The following PNPLA1 variants were observed in gnomAD, a reference collection of about 807,000 sequenced individuals.
The protein encoded by PNPLA1 is omega-hydroxyceramide transacylase.
PNPLA1 carries 36 observed loss-of-function variants against 51.7 expected under a neutral mutation model. That is an observed-to-expected ratio of 0.70 (90% CI 0.53 to 0.92). The LOEUF is 0.92. Ranked by LOEUF, PNPLA1 falls within the 40% of genes least tolerant of loss-of-function variation. The probability of loss-of-function intolerance (pLI) is 0.00; values close to 1 mark genes in which losing one functional copy is unlikely to be tolerated. For synonymous variants in PNPLA1, 293 were observed against 280.1 expected (o/e 1.05, Z -0.46); for missense variants, 658 against 682.5 (o/e 0.96, Z 0.40).
chr6:36,302,369 G>T lies in PNPLA1; in HGVS notation c.1284G>T (p.Gly428=). The T allele has an allele frequency of 6.2e-7, 1 of 1,606,386 alleles. No homozygotes were observed. The highest frequency in any genetic ancestry group is 1.7e-5 in the Admixed American group (1 of 59,624). ...CCACTTCACCCAGGCCATCCCTGGG[G>T]CCTTCAACTGTGGGGGCACCTCAAA... ...QAPTSPRPSL[G]PSTVGAPQTL... is the part of the protein sequence containing the mutation. Residue 428 remains glycine, a synonymous_variant, in exon 6 of 9, where the codon GGG becomes GGT. Coordinates refer to ENST00000636260, the MANE Select transcript of PNPLA1 (RefSeq NM_001374623.1).
chr6:36,301,921 G>A lies in PNPLA1; in HGVS notation c.836G>A (p.Cys279Tyr), dbSNP rs1771062472. ...RVIFPRVEVY[C>Y]QIELALGNEC... The stretch of plus-strand genomic sequence containing the variant: ...ATTTTCCCCCGGGTGGAAGTGTACT[G>A]CCAGATAGAACTCGCCCTTGGCAAT... Residue 279 changes from cysteine to tyrosine, a missense_variant, in exon 6 of 9, where the codon TGC becomes TAC. By Grantham distance (194) the Cys-to-Tyr change is radical. Transcript: ENST00000636260. The A allele has an allele frequency of 6.2e-7, 1 of 1,614,058 alleles. No homozygotes were observed.
intron 1 of PNPLA1, among the ~76,000 whole-genome samples, chr6:36,249,808 A>G (rs1211178121): frequency 6.6e-6 from 1 of 152,196 alleles, no homozygotes. Context: ...TCTGAGATCC[A>G]ATTTCTTCAT....
At chr6:36,250,407 G>A (rs1373980018) in intron 1 of PNPLA1, among the ~76,000 whole-genome samples, 2 of 152,156 alleles carry the variant, frequency 1.3e-5, no homozygotes, top group African/African-American at 4.8e-5. Flanking sequence ...AAGAGCCTAG[G>A]TGCTGGGTGA....
At chr6:36,245,054 C>T (rs1291841524) in intron 1 of PNPLA1, among the ~76,000 whole-genome samples, 4 of 152,174 alleles carry the variant, frequency 2.6e-5, no homozygotes, top group Non-Finnish European at 4.4e-5. Context: ...AAGCGGGGCC[C>T]GCAGGTCATA....
intron 6 of PNPLA1, among the ~76,000 whole-genome samples, chr6:36,304,238 C>G (rs774848849): frequency 6.6e-6 from 1 of 152,106 alleles, no homozygotes; most frequent in African/African-American, 2.4e-5. Context: ...TTATGGTAAA[C>G]GTCACAGATC....
chr6:36,297,249 G>A (rs1582089258), intron 5 of PNPLA1, among the ~76,000 whole-genome samples: 1 of 152,136 alleles, frequency 6.6e-6, no homozygotes, highest in Non-Finnish European at 1.5e-5. Context: ...TTCCTCTTCC[G>A]ATTTGCCAGT....
rs889658295 is a variant in PNPLA1, at chr6:36,313,904, T to C, written c.*2018T>C. ...TCTGTATTTAGAGCCCAGATGCTCT[T>C]AATGTCAATTATGTTAAACTATTAA... is the stretch of plus-strand genomic sequence containing the variant. On this transcript the variant is annotated 3_prime_UTR_variant, in exon 9 of 9. Coordinates refer to ENST00000636260, the MANE Select transcript of PNPLA1 (RefSeq NM_001374623.1). 6.6e-6 allele frequency among the ~76,000 whole-genome samples: 1 copy of C among 152,268 alleles called. No homozygotes were observed. The highest frequency in any genetic ancestry group is 2.4e-5 in the African/African-American group (1 of 41,472).
intron 1 of PNPLA1, among the ~76,000 whole-genome samples, chr6:36,289,333 C>G (rs577612265): frequency 2.6e-5 from 4 of 152,152 alleles, no homozygotes; most frequent in Non-Finnish European, 5.9e-5. Flanking sequence ...GGCTTGACTC[C>G]CCATCCCAGC....
intron 1 of PNPLA1, among the ~76,000 whole-genome samples, chr6:36,287,137 C>G (rs967045344): frequency 6.6e-6 from 1 of 152,188 alleles, no homozygotes; most frequent in Admixed American, 6.5e-5. Flanking sequence ...GTAATTAAGT[C>G]AAGTAGCTCT....
intron 1 of PNPLA1, among the ~76,000 whole-genome samples, chr6:36,255,355 A>G (rs1196937528): frequency 6.6e-6 from 1 of 152,172 alleles, no homozygotes; most frequent in Admixed American, 6.5e-5. Flanking sequence ...AAATACAAAA[A>G]TTAGCTGGGC....
upstream of PNPLA1, among the ~76,000 whole-genome samples, chr6:36,265,157 A>G (rs1769734773): frequency 6.6e-6 from 1 of 152,186 alleles, no homozygotes; most frequent in Admixed American, 6.5e-5. Context: ...CCTAGTCAAC[A>G]TGGTGAAACC....
At chr6:36,298,843 AT>A (rs1314410754) in intron 5 of PNPLA1, among the ~76,000 whole-genome samples, 1 of 152,094 alleles carries the variant, frequency 6.6e-6, no homozygotes, top group Non-Finnish European at 1.5e-5. Flanking sequence ...GGTTCAAGCG[AT>A]TCTCCCGCCT....
intron 1 of PNPLA1, among the ~76,000 whole-genome samples, chr6:36,271,527 C>G (rs1485577200): frequency 6.6e-6 from 1 of 152,062 alleles, no homozygotes; most frequent in Admixed American, 6.5e-5. Flanking sequence ...AGTGTGAGGT[C>G]GGGAAGTGAT....
intron 5 of PNPLA1, among the ~76,000 whole-genome samples, chr6:36,297,189 A>G: frequency 6.6e-6 from 1 of 152,210 alleles, no homozygotes; most frequent in African/African-American, 2.4e-5. Flanking sequence ...AGGAACAGAT[A>G]CAACTCCTAA....
intron 1 of PNPLA1, among the ~76,000 whole-genome samples, chr6:36,275,960 C>CT (rs1021075159): frequency 6.6e-6 from 1 of 150,432 alleles, no homozygotes; most frequent in Non-Finnish European, 1.5e-5. Context: ...TTCTTTCTTT[C>CT]TTTCTTTCTT....
intron 1 of PNPLA1, among the ~76,000 whole-genome samples, chr6:36,257,018 T>C (rs148326966): frequency 6.0e-4 from 91 of 152,170 alleles, no homozygotes; most frequent in African/African-American, 2.0e-3. Context: ...CTGGGACAAA[T>C]TTTGCCTGGG....
Position 36,291,474 on chromosome 6 carries a change from C to T in PNPLA1, c.360C>T (p.Leu120=), listed in dbSNP as rs780961873. 1.9e-6 allele frequency: 3 copies of T among 1,613,446 alleles called. No individual in the cohort carries two copies. The South Asian group carries it at 3.3e-5, about 18-fold the overall frequency. The stretch of plus-strand genomic sequence containing the variant: ...CCTACAAGGTCACCACGGGGAAGCT[C>T]CATGTGAGCCTCACCCGCTTAACGG... ...EDSYKVTTGK[L]HVSLTRLTDG... is the part of the protein sequence containing the mutation. Residue 120 remains leucine, a synonymous_variant, in exon 2 of 9, where the codon CTC becomes CTT. Transcript: ENST00000636260.
upstream of PNPLA1, among the ~76,000 whole-genome samples, chr6:36,267,641 C>T (rs1166123861): frequency 2.0e-5 from 3 of 152,126 alleles, no homozygotes; most frequent in Non-Finnish European, 1.5e-5. Flanking sequence ...GCCTTGCTTT[C>T]TATTTCACTG....
Position 36,311,724 on chromosome 6 carries a change from C to T in PNPLA1, c.1596-39C>T, listed in dbSNP as rs556296392. ...TCTTCTGATTCTCCCTTTTGTCTCC[C>T]TTCTTTTCACCTGTTCTTCCTCGGC... is the stretch of plus-strand genomic sequence containing the variant. On this transcript the variant is annotated intron_variant, in intron 8 of 8. Coordinates refer to ENST00000636260, the MANE Select transcript of PNPLA1 (RefSeq NM_001374623.1). 3 of 152,784 alleles carry T rather than the reference C, an allele frequency of 2.0e-5. No homozygotes were observed. The East Asian group carries it at 5.8e-4, about 29-fold the overall frequency. The allele number at this position is 152,784 out of a possible 1,614,324, so 9.5% of individuals were successfully genotyped here.
Sources: allele counts gnomAD v4.1 joint callset (sites outside exome capture counted in the v4.1 genomes callset), GRCh38; gene constraint gnomAD v4.1.1; transcripts MANE v1.5; gene names NCBI Gene and HGNC (gene_info 2026-07-23, HGNC 2026-07-21).